ANO2: variants seen among roughly 807,000 people sequenced by gnomAD.
ANO2 encodes the protein anoctamin 2, also known as anoctamin-2.
Under a neutral mutation model 124.2 loss-of-function variants are expected in ANO2, and 101 were observed. The ratio of observed to expected loss-of-function variants is 0.81; its 90% CI spans 0.69 to 0.96. The LOEUF is 0.96. Ranked by LOEUF, ANO2 falls within the 40% of genes least tolerant of loss-of-function variation. ANO2 has a pLI of 0.00. For synonymous variants in ANO2, 486 were observed against 482.5 expected (o/e 1.01, Z -0.09); for missense variants, 1,293 against 1,274.5 (o/e 1.01, Z -0.22).
intron 4 of ANO2, among the ~76,000 whole-genome samples, chr12:5,835,345 G>A (rs976459619): frequency 6.6e-6 from 1 of 152,148 alleles, no homozygotes; most frequent in African/African-American, 2.4e-5. Flanking sequence ...ATGAGTGCAT[G>A]GAGATCTGCT....
intron 9 of ANO2, among the ~76,000 whole-genome samples, chr12:5,800,514 T>C (rs983006198): frequency 6.6e-6 from 1 of 152,156 alleles, no homozygotes; most frequent in Non-Finnish European, 1.5e-5. Flanking sequence ...AGGGAAGAGA[T>C]GATGATGGCT....
At chr12:5,838,303 T>C (rs1329318632) in intron 4 of ANO2, among the ~76,000 whole-genome samples, 1 of 152,164 alleles carries the variant, frequency 6.6e-6, no homozygotes, top group African/African-American at 2.4e-5. Context: ...TTGGCTGCCT[T>C]CAAGAGTGTG....
chr12:5,613,021 A>G, intron 17 of ANO2, 63 bp from the exon 18 acceptor site: 2 of 1,525,614 alleles, frequency 1.3e-6, no homozygotes, highest in Non-Finnish European at 1.8e-6. Context: ...GCTCAAGGAC[A>G]TGTCTTCTGA....
At chr12:5,793,338 A>G (rs1416781450) in intron 10 of ANO2, among the ~76,000 whole-genome samples, 1 of 152,166 alleles carries the variant, frequency 6.6e-6, no homozygotes, top group Non-Finnish European at 1.5e-5. Context: ...ATATGCCGCA[A>G]GAAAAATTCT....
chr12:5,675,657 T>C (rs1343267972), intron 14 of ANO2, among the ~76,000 whole-genome samples: 1 of 152,174 alleles, frequency 6.6e-6, no homozygotes, highest in Non-Finnish European at 1.5e-5. Context: ...AGATCTGCCC[T>C]AAGGTTGGGA....
At chr12:5,903,734 G>T (rs535018576) in intron 3 of ANO2, among the ~76,000 whole-genome samples, 3 of 152,058 alleles carry the variant, frequency 2.0e-5, no homozygotes, top group Non-Finnish European at 4.4e-5. Context: ...TGGCAGAGAT[G>T]ATGAGTGGTA....
rs891943698 is a variant in ANO2 at position 5,787,547 on chromosome 12, C to T, written c.1055+11960G>A. Among the ~76,000 whole-genome samples the T allele has an allele frequency of 1.3e-5, 2 of 152,172 alleles. No homozygotes were observed. Among genetic ancestry groups the T allele is most frequent in the African/African-American group, 4.8e-5 (2 of 41,440 alleles). ...TAATGTCTTTGTGCTTCAATTTCCT[C>T]TTCTGTATAATGAGGATGATAGTAT... On this transcript the variant is annotated intron_variant, in intron 10 of 24. Transcript: ENST00000682330. This position sits in a 1 kb window ranked among gnomAD's most constrained non-coding sequence, Gnocchi z 4.2.
At chr12:5,700,851 C>T (rs535174652) in intron 14 of ANO2, among the ~76,000 whole-genome samples, 7 of 152,264 alleles carry the variant, frequency 4.6e-5, no homozygotes, top group South Asian at 2.1e-4. Flanking sequence ...TGATCCTTAC[C>T]TGACTTACTT....
At chr12:5,579,808 C>T (rs1400871321) in intron 20 of ANO2, among the ~76,000 whole-genome samples, 1 of 152,202 alleles carries the variant, frequency 6.6e-6, no homozygotes, top group African/African-American at 2.4e-5. Context: ...TCCTAATTGT[C>T]CCCTGCCACA....
At chr12:5,575,247 A>G (rs1242708605) in intron 23 of ANO2, among the ~76,000 whole-genome samples, 2 of 152,084 alleles carry the variant, frequency 1.3e-5, no homozygotes, top group Non-Finnish European at 2.9e-5. Context: ...TTTCTTCTCA[A>G]CCAGACCATA....
chr12:5,945,129 GCC>G, intron 1 of ANO2, 65 bp downstream of exon 1: 1 of 1,262,740 alleles, frequency 7.9e-7, no homozygotes, highest in Middle Eastern at 2.2e-4. Context: ...TTCGGATGCC[GCC>G]TCCTTCACTC....
At chr12:5,911,940 G>C (rs1941075563) in intron 3 of ANO2, among the ~76,000 whole-genome samples, 1 of 152,156 alleles carries the variant, frequency 6.6e-6, no homozygotes, top group African/African-American at 2.4e-5. Context: ...AATCAGCAAA[G>C]CACACAGCTG....
chr12:5,762,471 A>T (rs1222871871), intron 10 of ANO2, among the ~76,000 whole-genome samples: 1 of 152,006 alleles, frequency 6.6e-6, no homozygotes, highest in African/African-American at 2.4e-5. Flanking sequence ...CTAACTAAGT[A>T]TATAAAATGA....
At position 5,852,032 on chromosome 12, in the gene ANO2, T is replaced by C. The variant is rs1591697030; in HGVS notation, c.633+2011A>G. The C allele has an allele frequency of 1.7e-5, 12 of 709,404 alleles. No individual in the cohort carries two copies. The East Asian group carries it at 2.9e-4, about 17-fold the overall frequency. 43.9% of individuals were successfully genotyped at this position (709,404 alleles called of 1,614,324 possible). On this transcript the variant is annotated intron_variant, in intron 4 of 24. Coordinates refer to ENST00000682330, the MANE Select transcript of ANO2 (RefSeq NM_001364791.2). ...AAATAGAATGAGGTTAAGAGAACAT[T>C]ACACATTCAGATAAACCAGAGAGAA...
At chr12:5,856,503 G>GTTTCCATAACAATGGAAA (rs1955101378) in intron 3 of ANO2, 1 of 152,064 alleles carries the variant, frequency 6.6e-6, no homozygotes, top group African/African-American at 2.4e-5. Flanking sequence ...CATCTCCCTT[G>GTTTCCATAACAATGGAAA]CAATGAGGTG....
intron 4 of ANO2, among the ~76,000 whole-genome samples, chr12:5,851,657 C>A (rs1954912538): frequency 6.7e-6 from 1 of 149,516 alleles, no homozygotes; most frequent in South Asian, 2.1e-4. Flanking sequence ...TGCACTCCAG[C>A]CTGGGCAACA....
At chr12:5,868,931 C>T (rs1314153830) in intron 3 of ANO2, among the ~76,000 whole-genome samples, 1 of 152,122 alleles carries the variant, frequency 6.6e-6, no homozygotes, top group African/African-American at 2.4e-5. Context: ...GACAGGAAAT[C>T]ACAAAATGAG....
rs367796278 is a variant in ANO2 at position 5,696,895 on chromosome 12, A to G, written c.1545+35625T>C. Among the ~76,000 whole-genome samples the G allele has an allele frequency of 1.7e-4, 26 of 152,370 alleles. 1 individual carries two copies. The East Asian group carries it at 4.4e-3, about 26-fold the overall frequency. The stretch of plus-strand genomic sequence containing the variant: ...TTATTTAAATTGATGCAGAAAAAGC[A>G]TTTCATAGTTTAGTTTAATTTAAAT... On this transcript the variant is annotated intron_variant, in intron 14 of 24. Coordinates refer to ENST00000682330, the MANE Select transcript of ANO2 (RefSeq NM_001364791.2).
At chr12:5,615,164 C>T (rs1475496664) in intron 17 of ANO2, 22 bp downstream of exon 17, 5 of 1,599,498 alleles carry the variant, frequency 3.1e-6, no homozygotes, top group African/African-American at 1.3e-5. Flanking sequence ...TGCCTTTCTA[C>T]ACATGACACC....
Sources: allele counts gnomAD v4.1 joint callset (sites outside exome capture counted in the v4.1 genomes callset), GRCh38; gene constraint gnomAD v4.1.1; non-coding constraint Gnocchi (gnomAD v3.1); transcripts MANE v1.5; gene names NCBI Gene and HGNC (gene_info 2026-07-23, HGNC 2026-07-21).